Variants in UBA3 observed in about 807,000 individuals in gnomAD.
UBA3 encodes the protein NEDD8-activating enzyme E1 catalytic subunit.
Under a neutral mutation model 73.5 loss-of-function variants are expected in UBA3, and 26 were observed. The observed-to-expected ratio is 0.35, with a 90% CI of 0.26 to 0.49. The LOEUF is 0.49. UBA3 is among the 20% of genes least tolerant of loss of function. The pLI is 0.98. For synonymous variants in UBA3, 217 were observed against 191.2 expected, an observed-to-expected ratio of 1.13 and a Z score of -1.11; for missense variants, 495 against 555.6, an observed-to-expected ratio of 0.89 and a Z score of 1.10.
intron 8 of UBA3, 81 bp from the exon 9 acceptor site, chr3:69,063,218 G>C: frequency 2.6e-6 from 4 of 1,552,232 alleles, no homozygotes; most frequent in Non-Finnish European, 2.6e-6. Flanking sequence ...GTAATCCTAT[G>C]AGTCGGTTGT....
chr3:69,070,556 A>T (rs1430811943), intron 5 of UBA3, among the ~76,000 whole-genome samples: 1 of 152,180 alleles, frequency 6.6e-6, no homozygotes, highest in African/African-American at 2.4e-5. Flanking sequence ...ACTTTTACCT[A>T]AACTACTCAA....
chr3:69,066,918 T>C (rs1233577993), intron 6 of UBA3, among the ~76,000 whole-genome samples: 1 of 152,224 alleles, frequency 6.6e-6, no homozygotes, highest in African/African-American at 2.4e-5. Flanking sequence ...TATGGGGCTA[T>C]TTCTGGCTTC....
chr3:69,070,265 A>G (rs2092110781), intron 5 of UBA3, among the ~76,000 whole-genome samples: 2 of 152,366 alleles, frequency 1.3e-5, no homozygotes, highest in South Asian at 4.1e-4. Context: ...AAAAATAAAC[A>G]AAAAATAAAG....
intron 4 of UBA3, among the ~76,000 whole-genome samples, chr3:69,074,539 T>C (rs2092148143): frequency 6.6e-6 from 1 of 152,240 alleles, no homozygotes; most frequent in Non-Finnish European, 1.5e-5. Flanking sequence ...TGTGGCTATG[T>C]TTATATTTAA....
chr3:69,058,304 A>G (rs1164754097), intron 11 of UBA3, among the ~76,000 whole-genome samples: 1 of 152,198 alleles, frequency 6.6e-6, no homozygotes, highest in Non-Finnish European at 1.5e-5. Context: ...TTTTATAACT[A>G]TATTTGAATT....
intron 6 of UBA3, among the ~76,000 whole-genome samples, chr3:69,065,482 A>G (rs1169718979): frequency 6.6e-6 from 1 of 152,174 alleles, no homozygotes; most frequent in Non-Finnish European, 1.5e-5. Context: ...CACCCCAGGC[A>G]ACACACATAA....
At chr3:69,075,707 A>G (rs1383277101) in intron 3 of UBA3, among the ~76,000 whole-genome samples, 197 bp from the exon 4 acceptor site, 19 of 151,866 alleles carry the variant, frequency 1.3e-4, no homozygotes. Context: ...TAATGATTTC[A>G]GGAAGTTTCA....
intron 5 of UBA3, among the ~76,000 whole-genome samples, chr3:69,070,590 T>C (rs2092113223): frequency 6.6e-6 from 1 of 152,210 alleles, no homozygotes; most frequent in African/African-American, 2.4e-5. Context: ...ACATACTAAA[T>C]TCATGAATGA....
At chr3:69,075,723 A>C (rs2092160426) in intron 3 of UBA3, among the ~76,000 whole-genome samples, 1 of 149,066 alleles carries the variant, frequency 6.7e-6, no homozygotes, top group African/African-American at 2.5e-5. Flanking sequence ...TTTCAATGTT[A>C]ATTTTTCTTT....
At chr3:69,073,286 C>A (rs1180726514) in intron 4 of UBA3, among the ~76,000 whole-genome samples, 1 of 152,230 alleles carries the variant, frequency 6.6e-6, no homozygotes, top group African/African-American at 2.4e-5. Context: ...GCTCCCCCAA[C>A]CCACTTCTGC....
At chr3:69,060,018 TAC>T (rs2092008873) in intron 11 of UBA3, among the ~76,000 whole-genome samples, 1 of 152,024 alleles carries the variant, frequency 6.6e-6, no homozygotes, top group Admixed American at 6.6e-5. Flanking sequence ...GATAAAGAAA[TAC>T]AAAGTACCAA....
At chr3:69,057,633 A>G (rs987981855) in intron 11 of UBA3, among the ~76,000 whole-genome samples, 6 of 152,220 alleles carry the variant, frequency 3.9e-5, no homozygotes, top group African/African-American at 1.4e-4. Context: ...TTTTCACAAC[A>G]TCTTCATGTT....
chr3:69,058,152 G>C (rs938925581), intron 11 of UBA3, among the ~76,000 whole-genome samples: 4 of 151,966 alleles, frequency 2.6e-5, no homozygotes, highest in Non-Finnish European at 2.9e-5. Context: ...CGATGGTCTC[G>C]ATATCCTGAC....
At chr3:69,057,924 CTTTTT>C (rs368333207) in intron 11 of UBA3, among the ~76,000 whole-genome samples, 1 of 115,472 alleles carries the variant, frequency 8.7e-6, no homozygotes, top group Admixed American at 1.1e-4. Context: ...CCACATTTTT[CTTTTT>C]TTTTTTTTTT....
At chr3:69,065,016 C>G (rs753946777) in intron 6 of UBA3, among the ~76,000 whole-genome samples, 5 of 152,090 alleles carry the variant, frequency 3.3e-5, no homozygotes, top group African/African-American at 9.7e-5. Flanking sequence ...TTCTAGCCCT[C>G]AGTCATTCAG....
chr3:69,074,126 T>C (rs933105872), intron 4 of UBA3, among the ~76,000 whole-genome samples: 2 of 152,216 alleles, frequency 1.3e-5, no homozygotes, highest in Middle Eastern at 3.2e-3. Flanking sequence ...GATCTAATCT[T>C]CAATTATTTT....
chr3:69,066,877 A>C (rs896585459), intron 6 of UBA3, among the ~76,000 whole-genome samples: 1 of 152,098 alleles, frequency 6.6e-6, no homozygotes, highest in Non-Finnish European at 1.5e-5. Context: ...ACTGTTTTGC[A>C]CCTTTATCAA....
chr3:69,060,002 G>C, intron 11 of UBA3, among the ~76,000 whole-genome samples: 1 of 152,174 alleles, frequency 6.6e-6, no homozygotes. Context: ...ACATCCTTGT[G>C]AACAAGATAA....
In UBA3 at chr3:69,056,187, A is replaced by G. The variant is rs1241292053; in HGVS notation, c.1180T>C (p.Ser394Pro). The part of the protein sequence containing the change: ...EVLDYLTNSA[S>P]LQMKSPAITA... ...ACAAAAATCTACAATACTTACAGAG[A>G]AGCACTATTGGTTAGATAATCCAAA... is the stretch of plus-strand genomic sequence containing the variant. The change falls in exon 15 of 18, where the codon TCT becomes CCT. Residue 394 changes from serine (S) to proline (P), a missense_variant. Ser to Pro is a moderately conservative substitution (Grantham distance 74). Transcript: ENST00000361055. 2 of 1,580,762 alleles carry G rather than the reference A, an allele frequency of 1.3e-6. No homozygotes were observed. Among genetic ancestry groups the G allele is most frequent in the Non-Finnish European group, 1.7e-6 (2 of 1,169,720 alleles).
Sources: allele counts gnomAD v4.1 joint callset (sites outside exome capture counted in the v4.1 genomes callset), GRCh38; gene constraint gnomAD v4.1.1; transcripts MANE v1.5; gene names NCBI Gene and HGNC (gene_info 2026-07-23, HGNC 2026-07-21).